Variants in FOXN3 observed in about 807,000 individuals in gnomAD.
FOXN3 encodes forkhead box N3.
Under a neutral mutation model 38.4 loss-of-function variants are expected in FOXN3, and 7 were observed. That is an observed-to-expected ratio of 0.18 (90% CI 0.10 to 0.34). FOXN3 has a LOEUF of 0.34. Ranked by LOEUF, FOXN3 falls within the 10% of genes least tolerant of loss-of-function variation. The pLI is 1.00. For missense variants in FOXN3, 456 were observed against 613.4 expected, an observed-to-expected ratio of 0.74 and a Z score of 2.71; for synonymous variants, 230 against 242.2, an observed-to-expected ratio of 0.95 and a Z score of 0.47.
intron 4 of FOXN3, among the ~76,000 whole-genome samples, chr14:89,195,955 T>C (rs1888088426): frequency 6.6e-6 from 1 of 152,184 alleles, no homozygotes; most frequent in Non-Finnish European, 1.5e-5. Flanking sequence ...AATAGAGTTA[T>C]GACCAACCAT....
At chr14:89,583,078 C>T (rs931651308) in intron 1 of FOXN3, among the ~76,000 whole-genome samples, 1 of 152,146 alleles carries the variant, frequency 6.6e-6, no homozygotes, top group African/African-American at 2.4e-5. Context: ...AGATTACATA[C>T]AAGTCTTTGT....
chr14:89,289,188 AAAAAAAAAAG>A (rs1197573084), intron 3 of FOXN3, among the ~76,000 whole-genome samples: 1 of 67,966 alleles, frequency 1.5e-5, no homozygotes, highest in East Asian at 5.5e-4. Context: ...TCTCAAAAAA[AAAAAAAAAAG>A]AAAAGAAAAA....
chr14:89,384,699 T>C (rs1890745008), intron 2 of FOXN3, among the ~76,000 whole-genome samples: 1 of 152,114 alleles, frequency 6.6e-6, no homozygotes, highest in Non-Finnish European at 1.5e-5. Flanking sequence ...AAATAAGCCC[T>C]GTCTTATGGT....
chr14:89,293,295 G>GT (rs1326370093), intron 3 of FOXN3, among the ~76,000 whole-genome samples: 3 of 152,214 alleles, frequency 2.0e-5, no homozygotes, highest in Non-Finnish European at 4.4e-5. Flanking sequence ...ATGCTGCCCA[G>GT]GGTTTATCAG....
chr14:89,347,267 C>A (rs1490008822), intron 3 of FOXN3, among the ~76,000 whole-genome samples: 1 of 152,114 alleles, frequency 6.6e-6, no homozygotes, highest in Non-Finnish European at 1.5e-5. Context: ...ACCAGTGTGT[C>A]CTTACAAGAA....
intron 2 of FOXN3, chr14:89,364,316 C>T (rs192597189): frequency 4.1e-4 from 61 of 149,116 alleles, no homozygotes; most frequent in African/African-American, 1.4e-3. Flanking sequence ...TTATGTCCAA[C>T]CTTGCTCTCT....
At chr14:89,590,587 G>A (rs1284792376) in intron 1 of FOXN3, among the ~76,000 whole-genome samples, 5 of 152,164 alleles carry the variant, frequency 3.3e-5, no homozygotes, top group Non-Finnish European at 1.5e-5. Flanking sequence ...ATACAACAAA[G>A]TGGATGCTTC....
upstream of FOXN3, chr14:89,419,071 G>T: frequency 4.4e-6 from 2 of 454,626 alleles, no homozygotes; most frequent in Non-Finnish European, 8.9e-6. Context: ...GTGAGCCAAA[G>T]GTGATTGTAC....
At chr14:89,280,892 T>G in intron 4 of FOXN3, 58 bp downstream of exon 4, 1 of 1,446,838 alleles carries the variant, frequency 6.9e-7, no homozygotes, top group Non-Finnish European at 9.7e-7. Flanking sequence ...CACAAAGGAG[T>G]GATGAAAGGC....
chr14:89,253,767 C>T (rs966940800), intron 4 of FOXN3, among the ~76,000 whole-genome samples: 2 of 152,150 alleles, frequency 1.3e-5, no homozygotes, highest in African/African-American at 4.8e-5. Flanking sequence ...GCCATCACTG[C>T]GTTTTTCAAG....
At chr14:89,436,118 G>A (rs1325999304) in intron 1 of FOXN3, among the ~76,000 whole-genome samples, 1 of 151,254 alleles carries the variant, frequency 6.6e-6, no homozygotes, top group African/African-American at 2.4e-5. Flanking sequence ...TGAGATCACA[G>A]GAGTGTGCCA....
chr14:89,326,404 A>C (rs1043423785), intron 3 of FOXN3, among the ~76,000 whole-genome samples: 3 of 152,234 alleles, frequency 2.0e-5, no homozygotes, highest in Admixed American at 1.3e-4. Context: ...CAATGATCAA[A>C]TCAAACTCTT....
intron 4 of FOXN3, among the ~76,000 whole-genome samples, chr14:89,221,675 C>T (rs2139843086): frequency 6.6e-6 from 1 of 152,330 alleles, no homozygotes; most frequent in African/African-American, 2.4e-5. Flanking sequence ...AGCAAGATCT[C>T]TCTCAGTGAC....
intron 2 of FOXN3, chr14:89,353,260 A>G (rs1337192637): frequency 6.6e-6 from 1 of 152,212 alleles, no homozygotes; most frequent in Non-Finnish European, 1.5e-5. Context: ...AAACACCTTC[A>G]GTAGCGGCCC....
intron 2 of FOXN3, among the ~76,000 whole-genome samples, chr14:89,379,389 C>A (rs1239939255): frequency 1.3e-5 from 2 of 152,140 alleles, no homozygotes; most frequent in African/African-American, 2.4e-5. Context: ...CCGGGTAATT[C>A]TTTGCTGTGT....
intron 1 of FOXN3, among the ~76,000 whole-genome samples, chr14:89,447,410 T>A (rs945936645): frequency 2.0e-5 from 3 of 152,084 alleles, no homozygotes; most frequent in African/African-American, 7.2e-5. Flanking sequence ...GGGAAGGAAC[T>A]GTGAAATCCT....
intron 1 of FOXN3, among the ~76,000 whole-genome samples, chr14:89,432,970 C>A (rs574549537): frequency 6.6e-6 from 1 of 152,140 alleles, no homozygotes; most frequent in African/African-American, 2.4e-5. Flanking sequence ...CGTGAGCCAA[C>A]GAGCACCTGG....
intron 4 of FOXN3, among the ~76,000 whole-genome samples, chr14:89,266,758 G>T (rs956678749): frequency 6.6e-6 from 1 of 152,162 alleles, no homozygotes; most frequent in East Asian, 1.9e-4. Flanking sequence ...CTGCTTATAC[G>T]AGAGGCTGCT....
chr14:89,402,507 G>C (rs952177170), intron 2 of FOXN3, among the ~76,000 whole-genome samples: 1 of 152,172 alleles, frequency 6.6e-6, no homozygotes, highest in Non-Finnish European at 1.5e-5. Context: ...TTTAACTTGG[G>C]GTTCCAATGG....
Sources: gnomAD v4.1 joint callset for allele counts (sites outside exome capture counted in the v4.1 genomes callset) on GRCh38, gnomAD v4.1.1 for gene constraint, MANE v1.5 for transcripts, NCBI Gene and HGNC (gene_info 2026-07-23, HGNC 2026-07-21) for gene names.